FRMD4B: variants seen among roughly 807,000 people sequenced by gnomAD.
FRMD4B encodes the protein FERM domain-containing protein 4B.
FRMD4B carries 74 observed loss-of-function variants against 141.5 expected under a neutral mutation model. The observed-to-expected ratio is 0.52, with a 90% CI of 0.43 to 0.63. The LOEUF is 0.63. Ranked by LOEUF, FRMD4B falls within the 30% of genes least tolerant of loss-of-function variation. The pLI is 0.00. For missense variants in FRMD4B, 1,366 were observed against 1,253.4 expected (o/e 1.09, Z -1.36); for synonymous variants, 506 against 467.9 (o/e 1.08, Z -1.05).
chr3:69,203,341 A>AAAAGAAAG (rs1553700371), intron 11 of FRMD4B, among the ~76,000 whole-genome samples: 57 of 77,034 alleles, frequency 7.4e-4, no homozygotes, highest in African/African-American at 1.5e-3. Flanking sequence ...AAAAAAAAAA[A>AAAAGAAAG]AAAGAAAGAA....
intron 19 of FRMD4B, 60 bp downstream of exon 19, chr3:69,187,710 T>A (rs1575590555): frequency 1.3e-6 from 2 of 1,515,592 alleles, no homozygotes; most frequent in South Asian, 1.2e-5. Flanking sequence ...TACATTGCAT[T>A]TTGGAGGAAA....
chr3:69,241,033 C>CTGGAGTG (rs1390615489), intron 7 of FRMD4B, among the ~76,000 whole-genome samples: 1 of 152,164 alleles, frequency 6.6e-6, no homozygotes, highest in African/African-American at 2.4e-5. Flanking sequence ...ATGGGTGTAA[C>CTGGAGTG]GGCCTGGTCC....
chr3:69,243,204 C>G (rs1397024735), intron 7 of FRMD4B, among the ~76,000 whole-genome samples: 11 of 152,092 alleles, frequency 7.2e-5, no homozygotes, highest in African/African-American at 2.7e-4. Flanking sequence ...GTCCCCACTC[C>G]ACTATTTTAA....
rs368102617 is a variant in FRMD4B at position 69,271,141 on chromosome 3, A to C, written c.501+16611T>G. Among the ~76,000 whole-genome samples, 58 of 152,330 alleles carry C rather than the reference A, an allele frequency of 3.8e-4. 2 individuals are homozygous for C. The highest frequency in any genetic ancestry group is 1.2e-3 in the African/African-American group (49 of 41,582). Reference sequence around the variant, plus strand: ...ACCATGGTGTACCAAAAATATCAGTAGTAGGCTTAAATGTTTTAGGATAAT... The same window carrying C: ...ACCATGGTGTACCAAAAATATCAGTCGTAGGCTTAAATGTTTTAGGATAAT... On this transcript the variant is annotated intron_variant, in intron 5 of 22. Transcript: ENST00000398540.
In FRMD4B at chr3:69,302,431, G is replaced by T; in HGVS notation, c.328C>A (p.Gln110Lys). 1.3e-6 allele frequency: 2 copies of T among 1,579,300 alleles called. No individual in the cohort carries two copies. Among genetic ancestry groups the T allele is most frequent in the Non-Finnish European group, 1.7e-6 (2 of 1,152,616 alleles). Residue 110 changes from glutamine (Q) to lysine (K), a missense_variant, in exon 4 of 23, where the codon CAG becomes AAG. Transcript: ENST00000398540. Reference sequence around the variant, plus strand: ...TGATCTAACTGCAGCCAGTTCTGCTGACCTCTGTGAGAGCAAAGCAAAGAA... The same window carrying T: ...TGATCTAACTGCAGCCAGTTCTGCTTACCTCTGTGAGAGCAAAGCAAAGAA... ...FGITFIDDTG[Q>K]QNWLQLDHRV...
chr3:69,494,086 C>T lies in FRMD4B; in HGVS notation c.-129+48120G>A, dbSNP rs181191419. ...GTAGAGACAGGGTCTTGATATGTTG[C>T]CCAGGCTGGTCTCGAACTCTCGGCA... On this transcript the variant is annotated intron_variant, in intron 1 of 5. Coordinates refer to the FRMD4B transcript ENST00000459638. 4.7e-3 allele frequency among the ~76,000 whole-genome samples: 721 copies of T among 152,266 alleles called. 4 individuals are homozygous for T. Among genetic ancestry groups the T allele is most frequent in the African/African-American group, 0.015 (631 of 41,534 alleles).
rs569619392 is a variant in FRMD4B at position 69,242,422 on chromosome 3, C to T, written c.581+6804G>A. 2.8e-4 allele frequency among the ~76,000 whole-genome samples: 41 copies of T among 145,218 alleles called. No homozygotes were observed. The South Asian group carries it at 9.0e-3, about 32-fold the overall frequency. On this transcript the variant is annotated intron_variant, in intron 7 of 22. Coordinates refer to ENST00000398540, the MANE Select transcript of FRMD4B (RefSeq NM_015123.3). The stretch of plus-strand genomic sequence containing the variant: ...CTTGAAAGTGTTTTTATCCTCCCTT[C>T]CTTAACTACTCTCCAGGGCATCCAA...
chr3:69,283,954 A>G (rs2093655389), intron 5 of FRMD4B, among the ~76,000 whole-genome samples: 2 of 132,658 alleles, frequency 1.5e-5, no homozygotes, highest in East Asian at 2.2e-4. Flanking sequence ...CTCTTAACTG[A>G]AAAAACAAAA....
chr3:69,376,931 G>A (rs951475053), intron 1 of FRMD4B: 1 of 152,026 alleles, frequency 6.6e-6, no homozygotes. Flanking sequence ...GTTATTTTAT[G>A]CTACAAGCTC....
chr3:69,366,304 T>A (rs1703654095), intron 1 of FRMD4B, among the ~76,000 whole-genome samples: 1 of 151,842 alleles, frequency 6.6e-6, no homozygotes, highest in Non-Finnish European at 1.5e-5. Flanking sequence ...TGACAACAAC[T>A]TAATGTCCAT....
intron 1 of FRMD4B, among the ~76,000 whole-genome samples, chr3:69,342,667 T>A (rs1702777573): frequency 6.6e-6 from 1 of 152,222 alleles, no homozygotes; most frequent in East Asian, 1.9e-4. Flanking sequence ...TATTTCTAAA[T>A]TGATAATAGT....
intron 1 of FRMD4B, among the ~76,000 whole-genome samples, chr3:69,370,824 T>A (rs2107489783): frequency 6.6e-6 from 1 of 152,358 alleles, no homozygotes; most frequent in East Asian, 1.9e-4. Flanking sequence ...CTGACCGCTC[T>A]TATGCCTTTT....
intron 1 of FRMD4B, among the ~76,000 whole-genome samples, chr3:69,367,476 C>T (rs890349670): frequency 1.4e-4 from 21 of 152,140 alleles, no homozygotes; most frequent in African/African-American, 5.1e-4. Flanking sequence ...CACATGTACA[C>T]ATCCCATATA....
chr3:69,355,879 G>A (rs1284561896), intron 1 of FRMD4B, among the ~76,000 whole-genome samples: 1 of 152,088 alleles, frequency 6.6e-6, no homozygotes, highest in African/African-American at 2.4e-5. Context: ...ACAAAAATTA[G>A]CCAGGTGTGG....
rs543845433 is a variant in FRMD4B at position 69,246,734 on chromosome 3, C to T, written c.581+2492G>A. 4.6e-5 allele frequency among the ~76,000 whole-genome samples: 7 copies of T among 152,296 alleles called. No individual in the cohort carries two copies. In the East Asian group the frequency reaches 1.2e-3, roughly 25 times the overall value. ...GTGATTTCCAGTCCCACGCTCTCTC[C>T]ACTACTTAGTGTAGTTTGGACAATT... On this transcript the variant is annotated intron_variant, in intron 7 of 22. Transcript: ENST00000398540.
intron 1 of FRMD4B, among the ~76,000 whole-genome samples, chr3:69,505,161 G>A (rs9834709): frequency 0.3 from 45,395 of 151,890 alleles, 7,097 homozygotes; most frequent in African/African-American, 0.37. Flanking sequence ...CTTGAGGCCT[G>A]GAGTTAGAGA....
At chr3:69,218,209 T>C (rs1456199898) in intron 10 of FRMD4B, 113 bp downstream of exon 10, 3 of 629,540 alleles carry the variant, frequency 4.8e-6, no homozygotes, top group Non-Finnish European at 8.4e-6. Flanking sequence ...ATGTACTTTA[T>C]AATTTGCTAC....
intron 1 of FRMD4B, among the ~76,000 whole-genome samples, chr3:69,352,170 TCTTA>T (rs1332193432): frequency 6.6e-6 from 1 of 152,156 alleles, no homozygotes; most frequent in African/African-American, 2.4e-5. Flanking sequence ...AACAAGATAG[TCTTA>T]CTTCTCAGGA....
At chr3:69,387,219 C>T (rs372592467), upstream of FRMD4B, among the ~76,000 whole-genome samples, 27 of 152,156 alleles carry the variant, frequency 1.8e-4, no homozygotes, top group Middle Eastern at 3.2e-3. Context: ...CTGCCTTGAA[C>T]TCCTGGGATG....
Sources: allele counts gnomAD v4.1 joint callset (sites outside exome capture counted in the v4.1 genomes callset), GRCh38; gene constraint gnomAD v4.1.1; transcripts MANE v1.5; gene names NCBI Gene and HGNC (gene_info 2026-07-23, HGNC 2026-07-21).